Variants in CRADD observed in about 807,000 individuals in gnomAD.
The protein encoded by CRADD is CARD and death domain containing adaptor protein.
A neutral mutation model predicts 15.5 loss-of-function variants in CRADD; 9 were observed. The ratio of observed to expected loss-of-function variants is 0.58; its 90% CI spans 0.35 to 1.01. The LOEUF (loss-of-function observed/expected upper bound fraction) is 1.01. Ranked by LOEUF, CRADD falls within the 50% of genes least tolerant of loss-of-function variation. The pLI is 0.02. For synonymous variants in CRADD, 118 were observed against 107.6 expected (o/e 1.10, Z -0.60); for missense variants, 227 against 250.3 (o/e 0.91, Z 0.63).
intron 2 of CRADD, among the ~76,000 whole-genome samples, chr12:93,725,600 G>A (rs1335353779): frequency 6.6e-6 from 1 of 152,164 alleles, no homozygotes; most frequent in East Asian, 1.9e-4. Flanking sequence ...AAAAAGCTGG[G>A]AATATATAAG....
chr12:93,680,714 T>C (rs1056535546), intron 2 of CRADD, among the ~76,000 whole-genome samples: 4 of 152,212 alleles, frequency 2.6e-5, no homozygotes, highest in African/African-American at 4.8e-5. Context: ...GTTAAAAAAT[T>C]ATTGGTGTTT....
At chr12:93,707,404 A>C (rs1387521362) in intron 2 of CRADD, among the ~76,000 whole-genome samples, 1 of 152,126 alleles carries the variant, frequency 6.6e-6, no homozygotes, top group African/African-American at 2.4e-5. Flanking sequence ...CAGCTGAGGA[A>C]TCTGGGGATA....
chr12:93,681,496 TTA>T (rs574450913), intron 2 of CRADD, among the ~76,000 whole-genome samples: 2 of 152,316 alleles, frequency 1.3e-5, no homozygotes, highest in African/African-American at 4.8e-5. Flanking sequence ...AGGGTTTGAT[TTA>T]TATATGTCTT....
chr12:93,689,464 A>G (rs1955515856), intron 2 of CRADD, among the ~76,000 whole-genome samples: 1 of 152,244 alleles, frequency 6.6e-6, no homozygotes, highest in Admixed American at 6.5e-5. Context: ...AAAAAAGAAA[A>G]AAAGGTATGT....
chr12:93,781,032 A>G (rs1197305540), intron 2 of CRADD, among the ~76,000 whole-genome samples: 1 of 151,870 alleles, frequency 6.6e-6, no homozygotes, highest in Non-Finnish European at 1.5e-5. Context: ...CTGGGATTAC[A>G]AGTGTGAGCC....
chr12:93,853,151 T>C (rs1456292121), downstream of CRADD, among the ~76,000 whole-genome samples: 1 of 151,916 alleles, frequency 6.6e-6, no homozygotes, highest in Admixed American at 6.6e-5. Flanking sequence ...ATACACTTAT[T>C]TTTTTTTGTC....
chr12:93,728,238 A>C (rs1035215632), intron 2 of CRADD, among the ~76,000 whole-genome samples: 6 of 152,254 alleles, frequency 3.9e-5, no homozygotes, highest in African/African-American at 1.4e-4. Context: ...TATAATTGAT[A>C]ATCAGAACTA....
In CRADD at chr12:93,695,259, T is replaced by A. The variant is rs568865348; in HGVS notation, c.298+16187T>A. 1.5e-4 allele frequency among the ~76,000 whole-genome samples: 23 copies of A among 152,316 alleles called. 1 individual carries two copies. The highest frequency in any genetic ancestry group is 6.8e-3 in the Middle Eastern group (2 of 294). ...AATAAATGGTGTTGGAACAACTGGA[T>A]ATGCAGAAGAATTTAGACCCTCATC... On this transcript the variant is annotated intron_variant, in intron 2 of 2. Coordinates refer to ENST00000332896, the MANE Select transcript of CRADD (RefSeq NM_003805.5).
chr12:93,847,885 A>G (rs2137048121), intron 2 of CRADD, among the ~76,000 whole-genome samples: 1 of 152,328 alleles, frequency 6.6e-6, no homozygotes, highest in East Asian at 1.9e-4. Flanking sequence ...TATGTTTTCA[A>G]GTATGTTAAC....
At chr12:93,724,397 T>A (rs905355505) in intron 2 of CRADD, among the ~76,000 whole-genome samples, 3 of 151,096 alleles carry the variant, frequency 2.0e-5, no homozygotes, top group East Asian at 2.0e-4. Context: ...AAAAAAAAAA[T>A]TTCTGCTCCA....
intron 2 of CRADD, among the ~76,000 whole-genome samples, chr12:93,682,299 T>C (rs1207137207): frequency 2.6e-5 from 4 of 152,214 alleles, no homozygotes; most frequent in African/African-American, 9.7e-5. Flanking sequence ...ATCTAGACTA[T>C]AGGAGAATGT....
At chr12:93,858,825 C>T (rs1335178263) in intron 2 of CRADD, among the ~76,000 whole-genome samples, 2 of 152,346 alleles carry the variant, frequency 1.3e-5, no homozygotes, top group East Asian at 1.9e-4. Flanking sequence ...CTACCCCATA[C>T]CTGGGAGGAA....
chr12:93,761,937 T>C (rs1956970435), intron 2 of CRADD, among the ~76,000 whole-genome samples: 1 of 152,164 alleles, frequency 6.6e-6, no homozygotes, highest in Non-Finnish European at 1.5e-5. Flanking sequence ...TTCAGAAAAT[T>C]GTGGTGTCAA....
At chr12:93,809,919 A>G (rs1369760983) in intron 2 of CRADD, among the ~76,000 whole-genome samples, 1 of 152,048 alleles carries the variant, frequency 6.6e-6, no homozygotes, top group Non-Finnish European at 1.5e-5. Flanking sequence ...AAATCTAACC[A>G]CTTCTACAAG....
chr12:93,777,997 GATTTTT>G (rs1386893700), intron 2 of CRADD, among the ~76,000 whole-genome samples: 1 of 152,140 alleles, frequency 6.6e-6, no homozygotes, highest in African/African-American at 2.4e-5. Context: ...CCATTTTGAA[GATTTTT>G]GGGTGGCTAC....
chr12:93,719,376 T>C (rs1956219024), intron 2 of CRADD, among the ~76,000 whole-genome samples: 1 of 152,212 alleles, frequency 6.6e-6, no homozygotes. Context: ...GATTTTTGCG[T>C]TTATGTTCAA....
intron 2 of CRADD, among the ~76,000 whole-genome samples, chr12:93,692,641 A>G (rs951200344): frequency 3.3e-5 from 5 of 152,226 alleles, no homozygotes; most frequent in African/African-American, 9.6e-5. Context: ...ACCGTTCTTT[A>G]GAAGTGAAGG....
At chr12:93,853,209 A>G (rs186266799), downstream of CRADD, among the ~76,000 whole-genome samples, 41 of 152,308 alleles carry the variant, frequency 2.7e-4, no homozygotes, top group Non-Finnish European at 1.0e-4. Flanking sequence ...AAAATGATGC[A>G]TCTTTTTAAT....
At chr12:93,704,678 C>T (rs923785163) in intron 2 of CRADD, among the ~76,000 whole-genome samples, 1 of 152,228 alleles carries the variant, frequency 6.6e-6, no homozygotes, top group African/African-American at 2.4e-5. Context: ...AAAACCTCCT[C>T]CTAGGACTTT....
Sources: allele counts gnomAD v4.1 joint callset (sites outside exome capture counted in the v4.1 genomes callset), GRCh38; gene constraint gnomAD v4.1.1; transcripts MANE v1.5; gene names NCBI Gene and HGNC (gene_info 2026-07-23, HGNC 2026-07-21).